The following GALNT17 variants were observed in gnomAD, a reference collection of about 807,000 sequenced individuals.
The protein encoded by GALNT17 is polypeptide N-acetylgalactosaminyltransferase 17, also known as UDP-GalNAc:polypeptide N-acetylgalactosaminyltransferase-like 3.
A neutral mutation model predicts 63.7 loss-of-function variants in GALNT17; 29 were observed. That is an observed-to-expected ratio of 0.46 (90% confidence interval 0.34 to 0.62). The LOEUF is 0.62. GALNT17 is among the 20% of genes least tolerant of loss of function. GALNT17 has a pLI of 0.01. For synonymous variants in GALNT17, 305 were observed against 318.3 expected (o/e 0.96, Z 0.45); for missense variants, 603 against 799.6 (o/e 0.75, Z 2.97).
intron 2 of GALNT17, among the ~76,000 whole-genome samples, chr7:71,387,278 G>A (rs915393769): frequency 2.1e-5 from 3 of 141,776 alleles, no homozygotes; most frequent in African/African-American, 5.1e-5. Context: ...GGCAAAACCC[G>A]CAATTACTTT....
At chr7:71,696,390 G>A (rs139649210) in intron 9 of GALNT17, among the ~76,000 whole-genome samples, 1 of 152,168 alleles carries the variant, frequency 6.6e-6, no homozygotes, top group Non-Finnish European at 1.5e-5. Context: ...TGGGATTACA[G>A]GTGTGAGCCC....
At chr7:71,434,927 T>C (rs1002527675) in intron 5 of GALNT17, among the ~76,000 whole-genome samples, 2 of 152,174 alleles carry the variant, frequency 1.3e-5, no homozygotes, top group African/African-American at 4.8e-5. Context: ...CAAAATTCTG[T>C]TTGCTTTCTT....
At chr7:71,622,010 C>A (rs1790301982) in intron 6 of GALNT17, among the ~76,000 whole-genome samples, 1 of 152,156 alleles carries the variant, frequency 6.6e-6, no homozygotes, top group Admixed American at 6.5e-5. Context: ...GACCAGTAAA[C>A]CTTACACCAT....
At chr7:71,429,684 A>C (rs1382861219) in intron 5 of GALNT17, among the ~76,000 whole-genome samples, 2 of 152,150 alleles carry the variant, frequency 1.3e-5, no homozygotes, top group African/African-American at 2.4e-5. Context: ...CTGGGACCAC[A>C]GGCATGTGCC....
At chr7:71,430,950 A>G (rs1786850057) in intron 5 of GALNT17, among the ~76,000 whole-genome samples, 1 of 152,132 alleles carries the variant, frequency 6.6e-6, no homozygotes, top group Admixed American at 6.6e-5. Flanking sequence ...AGTATTGGTA[A>G]ATGAAATGAT....
intron 6 of GALNT17, among the ~76,000 whole-genome samples, chr7:71,579,411 TCAGA>T (rs1283462169): frequency 1.3e-5 from 2 of 152,176 alleles, no homozygotes; most frequent in East Asian, 1.9e-4. Context: ...AAATTTATAG[TCAGA>T]CAGAAATACT....
At chr7:71,473,891 C>T (rs909473203) in intron 5 of GALNT17, among the ~76,000 whole-genome samples, 3 of 152,058 alleles carry the variant, frequency 2.0e-5, no homozygotes, top group Non-Finnish European at 2.9e-5. Flanking sequence ...AGAAAGAATT[C>T]GGTGCAAGTC....
intron 5 of GALNT17, among the ~76,000 whole-genome samples, chr7:71,522,895 C>A (rs1412482482): frequency 1.3e-5 from 2 of 152,204 alleles, no homozygotes; most frequent in Non-Finnish European, 2.9e-5. Flanking sequence ...GAAGCATCCC[C>A]TGGGAACTTC....
intron 2 of GALNT17, among the ~76,000 whole-genome samples, chr7:71,375,557 TAC>T: frequency 6.6e-6 from 1 of 152,086 alleles, no homozygotes; most frequent in Admixed American, 6.5e-5. Context: ...TAGCTAAGAC[TAC>T]AGGCACGTGT....
intron 1 of GALNT17, among the ~76,000 whole-genome samples, chr7:71,140,459 G>A (rs188265205): frequency 2.8e-3 from 430 of 152,288 alleles, no homozygotes; most frequent in Non-Finnish European, 4.8e-3. Context: ...TGGCAGGTGA[G>A]TGTGGTGGGC....
chr7:71,673,137 A>C lies in GALNT17; in HGVS notation c.1404+3028A>C, dbSNP rs1174243197. 2.6e-5 allele frequency among the ~76,000 whole-genome samples: 4 copies of C among 152,218 alleles called. No individual in the cohort carries two copies. In the East Asian group the frequency reaches 7.7e-4, roughly 29 times the overall value. On this transcript the variant is annotated intron_variant, in intron 8 of 10. Transcript: ENST00000333538. ...AACAAGCCTTTTAAAAAGCAATTTG[A>C]GCCACATGTATTAAAAAGCTTGATA...
At chr7:71,562,486 G>A (rs1415003071) in intron 5 of GALNT17, among the ~76,000 whole-genome samples, 2 of 152,190 alleles carry the variant, frequency 1.3e-5, no homozygotes, top group Non-Finnish European at 2.9e-5. Context: ...GGTCCCATCT[G>A]GGGGTGATGG....
At chr7:71,689,033 G>C (rs558841811) in intron 9 of GALNT17, among the ~76,000 whole-genome samples, 1 of 152,142 alleles carries the variant, frequency 6.6e-6, no homozygotes, top group Admixed American at 6.5e-5. Flanking sequence ...TGTTATGGTG[G>C]TTTGTGATCA....
intron 1 of GALNT17, among the ~76,000 whole-genome samples, chr7:71,151,453 C>G (rs546675993): frequency 2.6e-5 from 4 of 151,920 alleles, no homozygotes; most frequent in Non-Finnish European, 5.9e-5. Context: ...AACCCTGTCT[C>G]TACTAAAAAT....
chr7:71,651,554 G>A (rs899309818), intron 6 of GALNT17, among the ~76,000 whole-genome samples: 5 of 151,992 alleles, frequency 3.3e-5, no homozygotes, highest in Admixed American at 6.6e-5. Flanking sequence ...CACCTGCCTC[G>A]GCCTCCCGAA....
At chr7:71,592,550 ATAGCATAGCAT>A (rs1248783727) in intron 6 of GALNT17, among the ~76,000 whole-genome samples, 6 of 133,730 alleles carry the variant, frequency 4.5e-5, no homozygotes, top group Non-Finnish European at 4.9e-5. Flanking sequence ...ATAAAATAGC[ATAGCATAGCAT>A]ACTAAAATAA....
intron 2 of GALNT17, among the ~76,000 whole-genome samples, chr7:71,368,717 A>G (rs1422381838): frequency 1.3e-5 from 2 of 152,160 alleles, no homozygotes; most frequent in Non-Finnish European, 1.5e-5. Context: ...TTGCTTGCCC[A>G]TAATTGATGC....
chr7:71,581,113 C>G (rs1006159349), intron 6 of GALNT17, among the ~76,000 whole-genome samples: 1 of 152,064 alleles, frequency 6.6e-6, no homozygotes, highest in Non-Finnish European at 1.5e-5. Context: ...TAGCTGGTGG[C>G]AGGAGAGAGA....
chr7:71,269,219 CT>C (rs1790543174), intron 1 of GALNT17, among the ~76,000 whole-genome samples: 1 of 152,178 alleles, frequency 6.6e-6, no homozygotes, highest in South Asian at 2.1e-4. Context: ...AATCCCAGTA[CT>C]TTGGGAAGCC....
Sources: gnomAD v4.1 joint callset for allele counts (sites outside exome capture counted in the v4.1 genomes callset) on GRCh38, gnomAD v4.1.1 for gene constraint, MANE v1.5 for transcripts, NCBI Gene and HGNC (gene_info 2026-07-23, HGNC 2026-07-21) for gene names.